Variants in TENM3 observed in about 807,000 individuals in gnomAD.
TENM3 encodes the protein teneurin-3.
TENM3 carries 63 observed loss-of-function variants against 255.1 expected under a neutral mutation model. The observed-to-expected ratio is 0.25, with a 90% CI of 0.20 to 0.30. The LOEUF (loss-of-function observed/expected upper bound fraction) is 0.30. Ranked by LOEUF, TENM3 falls within the 10% of genes least tolerant of loss-of-function variation. The pLI is 1.00. For synonymous variants in TENM3, 1,306 were observed against 1,322.3 expected, an observed-to-expected ratio of 0.99 and a Z score of 0.27; for missense variants, 2,929 against 3,461.1, an observed-to-expected ratio of 0.85 and a Z score of 3.86.
At chr4:182,108,568 T>C in the TENM3 span, among the ~76,000 whole-genome samples, 1 of 152,218 alleles carries the variant, frequency 6.6e-6, no homozygotes, top group Admixed American at 6.5e-5. Context: ...GTCCTAGGAA[T>C]ATGGAATGAA....
chr4:182,188,160 C>T (rs1419437669), intron 1 of TENM3, among the ~76,000 whole-genome samples: 7 of 152,062 alleles, frequency 4.6e-5, no homozygotes, highest in Admixed American at 1.3e-4. Flanking sequence ...TATTTCATTC[C>T]GCCTCACTTT....
intron 12 of TENM3, among the ~76,000 whole-genome samples, chr4:182,706,602 G>T (rs1228251860): frequency 6.6e-6 from 1 of 152,066 alleles, no homozygotes; most frequent in South Asian, 2.1e-4. Flanking sequence ...ACATACTAAG[G>T]CCACCAAAAG....
At chr4:181,542,594 G>A in the TENM3 span, among the ~76,000 whole-genome samples, 5 of 152,142 alleles carry the variant, frequency 3.3e-5, no homozygotes, top group African/African-American at 4.8e-5. Flanking sequence ...AAACTAACGC[G>A]ATTGTAGATG....
At chr4:181,986,485 G>T in the TENM3 span, among the ~76,000 whole-genome samples, 1 of 151,966 alleles carries the variant, frequency 6.6e-6, no homozygotes, top group Non-Finnish European at 1.5e-5. Flanking sequence ...TAGTGTTTCC[G>T]CATGATAATT....
rs186762519 is a variant in TENM3, at chr4:182,477,715, G to A, written c.512-123209G>A. Among the ~76,000 whole-genome samples, 10 of 152,120 alleles carry A rather than the reference G, an allele frequency of 6.6e-5. No individual in the cohort carries two copies. In the East Asian group the frequency reaches 1.5e-3, roughly 24 times the overall value. On this transcript the variant is annotated intron_variant, in intron 3 of 27. Transcript: ENST00000511685. The stretch of plus-strand genomic sequence containing the variant: ...TAGCACAAGCTGTTTAATACATTTT[G>A]TATCTGAGATGCAACAAATCACATC...
At chr4:182,680,133 G>A (rs191138788) in intron 8 of TENM3, 115 bp from the exon 9 acceptor site, 3 of 813,884 alleles carry the variant, frequency 3.7e-6, no homozygotes, top group African/African-American at 1.7e-5. Context: ...TGAAGTGACA[G>A]TGCTTTGCTT....
the TENM3 span, among the ~76,000 whole-genome samples, chr4:181,898,668 A>G: frequency 9.0e-4 from 137 of 152,292 alleles, no homozygotes; most frequent in African/African-American, 3.2e-3. Context: ...CCATTACTCT[A>G]TCAGACCAGA....
chr4:182,061,834 C>T, the TENM3 span, among the ~76,000 whole-genome samples: 122 of 152,022 alleles, frequency 8.0e-4, no homozygotes, highest in African/African-American at 1.3e-3. Context: ...TGGTGTCGTG[C>T]GCTTTGTAGT....
At chr4:182,234,163 T>A (rs1046302423) in intron 1 of TENM3, among the ~76,000 whole-genome samples, 1 of 152,134 alleles carries the variant, frequency 6.6e-6, no homozygotes, top group Non-Finnish European at 1.5e-5. Context: ...TAACAACCCT[T>A]GGATTGTCAG....
the TENM3 span, among the ~76,000 whole-genome samples, chr4:181,552,549 G>A: frequency 6.6e-6 from 1 of 152,186 alleles, no homozygotes; most frequent in Admixed American, 6.5e-5. Context: ...GTCAACACTT[G>A]TAATAATTTT....
chr4:181,454,255 T>A, the TENM3 span, among the ~76,000 whole-genome samples: 1 of 152,174 alleles, frequency 6.6e-6, no homozygotes, highest in African/African-American at 2.4e-5. Context: ...AGGTGCCCCT[T>A]ATTCTACATC....
intron 1 of TENM3, among the ~76,000 whole-genome samples, chr4:182,308,949 G>A (rs1349398890): frequency 2.0e-5 from 3 of 152,092 alleles, no homozygotes; most frequent in South Asian, 2.1e-4. Context: ...GGAATCCTCC[G>A]AGTAAGCACA....
the TENM3 span, among the ~76,000 whole-genome samples, chr4:182,032,295 T>C: frequency 6.6e-6 from 1 of 152,166 alleles, no homozygotes; most frequent in Non-Finnish European, 1.5e-5. Context: ...TTTTCTACAT[T>C]TATTGAGATA....
chr4:181,710,424 AG>A, the TENM3 span, among the ~76,000 whole-genome samples: 1 of 152,142 alleles, frequency 6.6e-6, no homozygotes, highest in Non-Finnish European at 1.5e-5. Context: ...AGAAGACCAA[AG>A]AAATGCGGTA....
the TENM3 span, among the ~76,000 whole-genome samples, chr4:182,097,465 TGA>T: frequency 1.3e-5 from 2 of 152,184 alleles, no homozygotes; most frequent in African/African-American, 4.8e-5. Context: ...CGACCCCTTC[TGA>T]GAGAGTAGAA....
chr4:181,784,488 G>GT, the TENM3 span, among the ~76,000 whole-genome samples: 1 of 151,848 alleles, frequency 6.6e-6, no homozygotes. Context: ...ATATTCACAA[G>GT]TGAGACTGGT....
At chr4:181,792,751 A>T in the TENM3 span, among the ~76,000 whole-genome samples, 5 of 152,120 alleles carry the variant, frequency 3.3e-5, no homozygotes, top group South Asian at 4.1e-4. Flanking sequence ...TCAAATTTGC[A>T]CTTGTTTTCA....
the TENM3 span, among the ~76,000 whole-genome samples, chr4:181,536,158 G>A: frequency 1.3e-5 from 2 of 152,192 alleles, no homozygotes; most frequent in African/African-American, 4.8e-5. Context: ...CTCAGTAAAT[G>A]CAATCTTAGG....
chr4:182,305,642 C>T (rs1034346726), intron 1 of TENM3, among the ~76,000 whole-genome samples: 1 of 152,232 alleles, frequency 6.6e-6, no homozygotes, highest in African/African-American at 2.4e-5. Flanking sequence ...TCCCAGTTCT[C>T]TTTCCCGGTT....
Sources: allele counts gnomAD v4.1 joint callset (sites outside exome capture counted in the v4.1 genomes callset), GRCh38; gene constraint gnomAD v4.1.1; transcripts MANE v1.5; gene names NCBI Gene and HGNC (gene_info 2026-07-23, HGNC 2026-07-21).